RBSN: variants seen among roughly 807,000 people sequenced by gnomAD.
RBSN encodes rabenosyn-5.
RBSN carries 34 observed loss-of-function variants against 60.5 expected under a neutral mutation model. That is an observed-to-expected ratio of 0.56 (90% confidence interval 0.43 to 0.75). The LOEUF (loss-of-function observed/expected upper bound fraction) is 0.75. RBSN is among the 30% of genes least tolerant of loss of function. The probability of loss-of-function intolerance (pLI) is 0.00; values close to 1 mark genes in which losing one functional copy is unlikely to be tolerated. For missense variants in RBSN, 845 were observed against 986.8 expected (o/e 0.86, Z 1.92); for synonymous variants, 322 against 366.9 (o/e 0.88, Z 1.40).
At chr3:15,085,463 C>T (rs1039524246) in intron 6 of RBSN, among the ~76,000 whole-genome samples, 1 of 152,220 alleles carries the variant, frequency 6.6e-6, no homozygotes, top group Non-Finnish European at 1.5e-5. Flanking sequence ...ATCCAGGTTA[C>T]ACACAACAAG....
rs938212113 is a variant in RBSN at position 15,096,695 on chromosome 3, G to C, written c.-329C>G. The C allele has an allele frequency of 2.0e-5, 3 of 152,102 alleles. No homozygotes were observed. The highest frequency in any genetic ancestry group is 7.2e-5 in the African/African-American group (3 of 41,414). The allele number at this position is 152,102 out of a possible 1,614,324, so 9.4% of individuals were successfully genotyped here. ...ATTCAACCACATATAGTAAGTTCTT[G>C]ATACTTGTAAGACACCTGTGTTAGA... On this transcript the variant is annotated 5_prime_UTR_variant, in exon 3 of 14. In the 5' UTR this introduces an upstream ATG that the reference lacks. Transcript: ENST00000253699.
rs903496413 is a variant in RBSN, at chr3:15,082,295, T to G, written c.840+72A>C. ...ACTTCCCAAAGCATTCTCCAGAATC[T>G]GCAGGAGTGTACATAACAAACAGCC... On this transcript the variant is annotated intron_variant, in intron 9 of 13. Coordinates refer to ENST00000253699, the MANE Select transcript of RBSN (RefSeq NM_022340.4). The surrounding 1 kb of genome is among the most constrained non-coding windows in gnomAD (Gnocchi z 4.2). 9.7e-5 allele frequency: 151 copies of G among 1,559,438 alleles called. 1 individual carries two copies. Among genetic ancestry groups the G allele is most frequent in the Non-Finnish European group, 1.2e-4 (136 of 1,140,962 alleles).
intron 4 of RBSN, among the ~76,000 whole-genome samples, chr3:15,094,054 T>C (rs1357952420): frequency 6.6e-6 from 1 of 152,176 alleles, no homozygotes; most frequent in Non-Finnish European, 1.5e-5. Context: ...CTATTCTATT[T>C]AGTATTCCTT....
At chr3:15,095,252 G>A (rs762747240) in intron 4 of RBSN, among the ~76,000 whole-genome samples, 1 of 151,214 alleles carries the variant, frequency 6.6e-6, no homozygotes, top group East Asian at 2.0e-4. Context: ...TTGAACTCCT[G>A]AGCTCAAGTG....
Position 15,096,170 on chromosome 3 carries a change from C to T in RBSN, c.-50G>A. Reference sequence around the variant, plus strand: ...AAGGCAGGAATCTCATGCCAAGAGTCAGCTTGATTCCTCCCAAGGAACCAT... The same window carrying T: ...AAGGCAGGAATCTCATGCCAAGAGTTAGCTTGATTCCTCCCAAGGAACCAT... On this transcript the variant is annotated 5_prime_UTR_variant, in exon 4 of 14. An upstream open reading frame in the 5' UTR loses its in-frame stop. Coordinates refer to ENST00000253699, the MANE Select transcript of RBSN (RefSeq NM_022340.4). 2 of 1,513,356 alleles carry T rather than the reference C, an allele frequency of 1.3e-6. No individual in the cohort carries two copies. The highest frequency in any genetic ancestry group is 2.7e-5 in the South Asian group (2 of 73,866). The allele number at this position is 1,513,356 out of a possible 1,614,324, so 93.7% of individuals were successfully genotyped here.
Position 15,084,875 on chromosome 3 carries a change from G to A in RBSN, c.458C>T (p.Pro153Leu). The A allele has an allele frequency of 6.2e-7, 1 of 1,613,884 alleles. No individual in the cohort carries two copies. Among genetic ancestry groups the A allele is most frequent in the Non-Finnish European group, 8.5e-7 (1 of 1,179,918 alleles). The change falls in exon 8 of 14, where the codon CCT (proline) becomes CTT (leucine). Residue 153 changes from proline to leucine, a missense_variant. Transcript: ENST00000253699. The surrounding 1 kb of genome is among the most constrained non-coding windows in gnomAD (Gnocchi z 4.2). ...AGGGACATCCTGGTCGTTGACCCAA[G>A]GCACCACAGACTTTTCTATTGCTTT... ...KIRAIEKSVV[P>L]WVNDQDVPFC... is the part of the protein sequence containing the mutation.
intron 4 of RBSN, among the ~76,000 whole-genome samples, chr3:15,093,680 G>A (rs529097229): frequency 2.0e-5 from 3 of 152,160 alleles, no homozygotes; most frequent in Non-Finnish European, 2.9e-5. Flanking sequence ...ATGAGCCACC[G>A]CACCCGGCTG....
At chr3:15,079,038 C>G (rs749770492) in intron 10 of RBSN, among the ~76,000 whole-genome samples, 1 of 151,884 alleles carries the variant, frequency 6.6e-6, no homozygotes, top group African/African-American at 2.4e-5. Flanking sequence ...GTAGTTAGCA[C>G]TTTAACTTCT....
chr3:15,094,083 G>C (rs1029699753), intron 4 of RBSN, among the ~76,000 whole-genome samples: 10 of 152,168 alleles, frequency 6.6e-5, no homozygotes, highest in Middle Eastern at 6.8e-3. Flanking sequence ...TCCCATATCT[G>C]TATTCTCTAA....
chr3:15,094,329 C>A (rs2043595209), intron 4 of RBSN, among the ~76,000 whole-genome samples: 1 of 152,212 alleles, frequency 6.6e-6, no homozygotes, highest in African/African-American at 2.4e-5. Context: ...CCCCAGGAAG[C>A]TGCAATGCAT....
chr3:15,080,979 G>T, intron 9 of RBSN, 177 bp from the exon 10 acceptor site: 1 of 580,460 alleles, frequency 1.7e-6, no homozygotes, highest in Non-Finnish European at 3.1e-6. Flanking sequence ...TTGTAGGAAG[G>T]AAAGAAAGTG....
chr3:15,078,317 G>A (rs1241303684), intron 10 of RBSN, among the ~76,000 whole-genome samples, 156 bp from the exon 11 acceptor site: 1 of 152,138 alleles, frequency 6.6e-6, no homozygotes, highest in African/African-American at 2.4e-5. Flanking sequence ...TCCATCTCTT[G>A]GAATGAATGA....
At position 15,074,096 on chromosome 3, in the gene RBSN, G is replaced by C. The variant is rs201337565; in HGVS notation, c.2041C>G (p.Gln681Glu). ...GGGTTAGGAGCTGGGCTGTCTGGCT[G>C]AATGAATGGATTCCCTGCCACTGCT... is the stretch of plus-strand genomic sequence containing the variant. ...EEAVAGNPFI[Q>E]PDSPAPNPFS... is the part of the protein sequence containing the mutation. The change falls in exon 14 of 14, where the codon CAG becomes GAG. Residue 681 changes from glutamine (Q) to glutamate (E), a missense_variant. Gln to Glu is a conservative substitution (Grantham distance 29). Coordinates refer to ENST00000253699, the MANE Select transcript of RBSN (RefSeq NM_022340.4). This position sits in a 1 kb window ranked among gnomAD's most constrained non-coding sequence, Gnocchi z 6.4. 5 of 1,614,068 alleles carry C rather than the reference G, an allele frequency of 3.1e-6. No individual in the cohort carries two copies. Among genetic ancestry groups the C allele is most frequent in the Non-Finnish European group, 4.2e-6 (5 of 1,179,998 alleles).
At chr3:15,089,163 T>C (rs1220193563) in intron 5 of RBSN, among the ~76,000 whole-genome samples, 2 of 152,108 alleles carry the variant, frequency 1.3e-5, no homozygotes, top group Admixed American at 1.3e-4. Flanking sequence ...ACTGTTATCA[T>C]TAGACGGTTA....
chr3:15,096,224 CACAGA>C lies in RBSN; in HGVS notation c.-109_-105del, dbSNP rs564058622. On this transcript the variant is annotated 5_prime_UTR_variant, in exon 4 of 14. The change abolishes the stop of an existing upstream ORF in the 5' untranslated region. Transcript: ENST00000253699. ...TCCCGCAGCATTAGCTTAAGCAGCA[CACAGA>C]TGGTGAGGAAGTGGCTTCATGGCCC... 9.0e-5 allele frequency: 115 copies of C among 1,277,614 alleles called. No individual in the cohort carries two copies. In the South Asian group the frequency reaches 2.1e-3, roughly 23 times the overall value. The allele number at this position is 1,277,614 out of a possible 1,614,324, so 79.1% of individuals were successfully genotyped here.
chr3:15,082,635 A>G lies in RBSN; in HGVS notation c.599-27T>C, dbSNP rs1182542213. 1 of 1,610,494 alleles carries G rather than the reference A, an allele frequency of 6.2e-7. No homozygotes were observed. Among genetic ancestry groups the G allele is most frequent in the Non-Finnish European group, 8.5e-7 (1 of 1,177,820 alleles). On this transcript the variant is annotated intron_variant, in intron 8 of 13. Transcript: ENST00000253699. This position sits in a 1 kb window ranked among gnomAD's most constrained non-coding sequence, Gnocchi z 4.2. ...TGTAACCACAACACCAACAGGCAGCAATGACCCCCACAGCATCCAATTACC... is the reference window on the plus strand; with the variant it reads ...TGTAACCACAACACCAACAGGCAGCGATGACCCCCACAGCATCCAATTACC...
At position 15,084,894 on chromosome 3, in the gene RBSN, T is replaced by C. The variant is rs758260187; in HGVS notation, c.439A>G (p.Ile147Val). Residue 147 changes from isoleucine (I) to valine (V), a missense_variant and splice_region_variant, in exon 8 of 14, where the codon ATA (isoleucine) becomes GTA (valine). By Grantham distance (29) the Ile-to-Val change is conservative. Coordinates refer to ENST00000253699, the MANE Select transcript of RBSN (RefSeq NM_022340.4). The surrounding 1 kb of genome is among the most constrained non-coding windows in gnomAD (Gnocchi z 4.2). ...TNTESAKIRA[I>V]EKSVVPWVND... ...ACCCAAGGCACCACAGACTTTTCTA[T>C]TGCTTTGGGAAGAGCAAACCAACAA... 17 of 1,613,588 alleles carry C rather than the reference T, an allele frequency of 1.1e-5. No individual in the cohort carries two copies. Among genetic ancestry groups the C allele is most frequent in the Non-Finnish European group, 1.4e-5 (17 of 1,179,728 alleles).
chr3:15,094,669 T>C (rs1258784090), intron 4 of RBSN, among the ~76,000 whole-genome samples: 1 of 152,234 alleles, frequency 6.6e-6, no homozygotes, highest in Non-Finnish European at 1.5e-5. Context: ...AGCCACCTCA[T>C]CCACCAAAGC....
In RBSN at chr3:15,071,192, T is replaced by A. The variant is rs1165233497; in HGVS notation, c.*2590A>T. ...TCAATGCTTTTAGTTACTTACAGAT[T>A]GCTACCTGAGGTGATTTGAGGGAAG... is the stretch of plus-strand genomic sequence containing the variant. On this transcript the variant is annotated 3_prime_UTR_variant, in exon 14 of 14. Coordinates refer to ENST00000253699, the MANE Select transcript of RBSN (RefSeq NM_022340.4). 6.6e-6 allele frequency: 1 copy of A among 152,258 alleles called. No individual in the cohort carries two copies. Among genetic ancestry groups the A allele is most frequent in the Admixed American group, 6.5e-5 (1 of 15,282 alleles). The allele number at this position is 152,258 out of a possible 1,614,324, so 9.4% of individuals were successfully genotyped here. A position where few individuals can be genotyped will look rare whatever the true frequency, so the allele number is the denominator to read the frequency against.
Sources: allele counts gnomAD v4.1 joint callset (sites outside exome capture counted in the v4.1 genomes callset), GRCh38; gene constraint gnomAD v4.1.1; non-coding constraint Gnocchi (gnomAD v3.1); transcripts MANE v1.5; gene names NCBI Gene and HGNC (gene_info 2026-07-23, HGNC 2026-07-21).